Variants in SLC8A1 observed in about 807,000 individuals in gnomAD.
The protein encoded by SLC8A1 is sodium/calcium exchanger 1.
In SLC8A1, 18 loss-of-function variants were observed where a neutral mutation model predicts 68.3. The ratio of observed to expected loss-of-function variants is 0.26; its 90% CI spans 0.18 to 0.39. The LOEUF is 0.39. Ranked by LOEUF, SLC8A1 falls within the 10% of genes least tolerant of loss-of-function variation. The probability of loss-of-function intolerance (pLI) is 1.00; values close to 1 mark genes in which losing one functional copy is unlikely to be tolerated. For missense variants in SLC8A1, 985 were observed against 1,156.7 expected (o/e 0.85, Z 2.15); for synonymous variants, 475 against 415.5 (o/e 1.14, Z -1.74).
intron 1 of SLC8A1, among the ~76,000 whole-genome samples, chr2:40,466,716 A>G (rs1703695436): frequency 6.6e-6 from 1 of 152,156 alleles, no homozygotes; most frequent in African/African-American, 2.4e-5. Flanking sequence ...TGCATATTAT[A>G]ATACCTAATA....
intron 2 of SLC8A1, among the ~76,000 whole-genome samples, chr2:40,301,435 G>A (rs2071433371): frequency 6.6e-6 from 1 of 152,192 alleles, no homozygotes; most frequent in African/African-American, 2.4e-5. Context: ...AAAGTTTCAG[G>A]TTTGGAAAAG....
At chr2:40,297,803 G>A (rs1482897202) in intron 2 of SLC8A1, among the ~76,000 whole-genome samples, 2 of 152,202 alleles carry the variant, frequency 1.3e-5, no homozygotes, top group East Asian at 3.8e-4. Context: ...TTCAATTCAA[G>A]AGGAGGGGCT....
intron 2 of SLC8A1, among the ~76,000 whole-genome samples, chr2:40,292,265 C>A (rs1295813758): frequency 6.6e-6 from 1 of 152,110 alleles, no homozygotes; most frequent in Non-Finnish European, 1.5e-5. Context: ...CTAATGTACA[C>A]AAGAGAAGCC....
chr2:40,511,316 A>C (rs1187582999), intron 1 of SLC8A1, among the ~76,000 whole-genome samples: 1 of 152,222 alleles, frequency 6.6e-6, no homozygotes. Context: ...CAAAACATGC[A>C]TATTTTAAAG....
At chr2:40,396,303 C>G (rs182794806) in intron 2 of SLC8A1, among the ~76,000 whole-genome samples, 1 of 152,092 alleles carries the variant, frequency 6.6e-6, no homozygotes, top group Admixed American at 6.6e-5. Flanking sequence ...ACTTGAAGAG[C>G]GCTGCTTTTC....
chr2:40,117,564 CAAA>C (rs1204933800), intron 7 of SLC8A1, among the ~76,000 whole-genome samples: 1 of 98,590 alleles, frequency 1.0e-5, no homozygotes, highest in Non-Finnish European at 2.1e-5. Context: ...GACTCCATCT[CAAA>C]AAAAAAAAAA....
At chr2:40,359,931 TAAAAAAAAA>T (rs11320388) in intron 2 of SLC8A1, among the ~76,000 whole-genome samples, 1 of 141,776 alleles carries the variant, frequency 7.1e-6, no homozygotes, top group Non-Finnish European at 1.5e-5. Context: ...GAGTTTAACT[TAAAAAAAAA>T]AAAAAAACAG....
chr2:40,200,233 T>TATAA lies in SLC8A1; in HGVS notation c.1809-22379_1809-22378insTTAT, dbSNP rs2054028882. Among the ~76,000 whole-genome samples, 10 of 32,192 alleles carry TATAA rather than the reference T, an allele frequency of 3.1e-4. 1 individual carries two copies. The highest frequency in any genetic ancestry group is 8.3e-4 in the African/African-American group (9 of 10,814). 21.1% of individuals were successfully genotyped at this position (32,192 alleles called of 152,430 possible). On this transcript the variant is annotated intron_variant, in intron 2 of 7. Transcript: ENST00000406785. ...ATATATATATATTTTTTTATATATATATATAAATATATATATATATATATA... is the reference window on the plus strand; with the variant it reads ...ATATATATATATTTTTTTATATATATATAAATATAAATATATATATATATATATA...
exon 1 of SLC8A1, chr2:40,452,032 A>G (rs1702610330): frequency 6.6e-6 from 1 of 151,458 alleles, no homozygotes; most frequent in African/African-American, 2.4e-5. Flanking sequence ...GGAAGCACAA[A>G]GCAGGCGGCG....
At chr2:40,429,675 A>C in exon 2 of SLC8A1, 1 of 1,613,908 alleles carries the variant, frequency 6.2e-7, no homozygotes, top group Non-Finnish European at 8.5e-7. Context: ...CAAAGAAGAC[A>C]CGCAAATGCT....
Position 40,401,921 on chromosome 2 carries a change from A to G in SLC8A1, c.1808+26552T>C, listed in dbSNP as rs181393169. 5.3e-3 allele frequency among the ~76,000 whole-genome samples: 802 copies of G among 152,320 alleles called. 3 individuals carry two copies. Among genetic ancestry groups the G allele is most frequent in the Non-Finnish European group, 9.9e-3 (671 of 68,008 alleles). On this transcript the variant is annotated intron_variant, in intron 2 of 7. Transcript: ENST00000406785. ...AAACTGTAATTGGGTACTAAAAAATACATATACAGATTGCCCCATATCTAA... is the reference window on the plus strand; with the variant it reads ...AAACTGTAATTGGGTACTAAAAAATGCATATACAGATTGCCCCATATCTAA...
At chr2:40,484,499 G>C (rs139015527) in intron 1 of SLC8A1, among the ~76,000 whole-genome samples, 1,832 of 152,286 alleles carry the variant, frequency 0.012, 12 homozygotes, top group Middle Eastern at 0.024. Context: ...TTTTCAGGGA[G>C]GCCTTTCCTG....
At chr2:40,303,118 A>C (rs1278584921) in intron 2 of SLC8A1, among the ~76,000 whole-genome samples, 1 of 152,200 alleles carries the variant, frequency 6.6e-6, no homozygotes, top group Non-Finnish European at 1.5e-5. Flanking sequence ...AATCTGATTC[A>C]TTTTGGATAA....
chr2:40,196,377 C>T (rs534125630), intron 2 of SLC8A1, among the ~76,000 whole-genome samples: 64 of 152,102 alleles, frequency 4.2e-4, no homozygotes, highest in African/African-American at 1.5e-3. Context: ...AAATACAAGG[C>T]TCATTTCACC....
At chr2:40,288,849 A>ATATATATATATATATATATGTATG (rs1553476848) in intron 2 of SLC8A1, among the ~76,000 whole-genome samples, 10 of 138,762 alleles carry the variant, frequency 7.2e-5, no homozygotes, top group African/African-American at 2.9e-4. Flanking sequence ...ATATATATAT[A>ATATATATATATATATATATGTATG]TATGTATATA....
At position 40,306,163 on chromosome 2, in the gene SLC8A1, A is replaced by G. The variant is rs189135034; in HGVS notation, c.1808+122310T>C. On this transcript the variant is annotated intron_variant, in intron 2 of 7. Transcript: ENST00000406785. ...TAAGCAGATAAGCTTGGGGAACCCA[A>G]ATAAGAGGAAAACCAGTGAGCATCC... 2.6e-5 allele frequency among the ~76,000 whole-genome samples: 4 copies of G among 152,356 alleles called. No individual in the cohort carries two copies. In the East Asian group the frequency reaches 7.7e-4, roughly 29 times the overall value.
At chr2:40,304,771 G>C (rs1018702155) in intron 2 of SLC8A1, among the ~76,000 whole-genome samples, 3 of 152,104 alleles carry the variant, frequency 2.0e-5, no homozygotes, top group Non-Finnish European at 2.9e-5. Context: ...TGCAACTGGG[G>C]CTCTGAGATC....
chr2:40,377,539 T>C (rs1680289001), intron 2 of SLC8A1, among the ~76,000 whole-genome samples: 1 of 152,148 alleles, frequency 6.6e-6, no homozygotes, highest in Non-Finnish European at 1.5e-5. Flanking sequence ...TTCTGAATTG[T>C]GTGCTTCAGA....
chr2:40,162,723 T>A (rs2045901240), intron 5 of SLC8A1, among the ~76,000 whole-genome samples: 1 of 152,180 alleles, frequency 6.6e-6, no homozygotes, highest in Admixed American at 6.5e-5. Flanking sequence ...TTGTCTGTAT[T>A]TACCTAGGAG....
Sources: gnomAD v4.1 joint callset for allele counts (sites outside exome capture counted in the v4.1 genomes callset) on GRCh38, gnomAD v4.1.1 for gene constraint, MANE v1.5 for transcripts, NCBI Gene and HGNC (gene_info 2026-07-23, HGNC 2026-07-21) for gene names.